EML1: variants seen among roughly 807,000 people sequenced by gnomAD.
EML1 encodes the protein EMAP like 1.
In EML1, 27 loss-of-function variants were observed where a neutral mutation model predicts 110.4. That is an observed-to-expected ratio of 0.24 (90% CI 0.18 to 0.34). The LOEUF (loss-of-function observed/expected upper bound fraction) is 0.34, where lower values mean the gene tolerates loss of function less well. Ranked by LOEUF, EML1 falls within the 10% of genes least tolerant of loss-of-function variation. The pLI, the probability that EML1 is intolerant of heterozygous loss-of-function variation, is 1.00. For synonymous variants in EML1, 344 were observed against 385.8 expected, an observed-to-expected ratio of 0.89 and a Z score of 1.27; for missense variants, 741 against 1,030.9, an observed-to-expected ratio of 0.72 and a Z score of 3.85.
At chr14:99,885,644 G>A (rs564668221) in intron 4 of EML1, among the ~76,000 whole-genome samples, 42 of 152,050 alleles carry the variant, frequency 2.8e-4, no homozygotes, top group Admixed American at 1.6e-3. Context: ...CAAGCCATGG[G>A]GTCATTTATG....
Position 99,798,593 on chromosome 14 carries a change from TG to T in EML1, c.67+5051del, listed in dbSNP as rs562707597. Among the ~76,000 whole-genome samples the T allele has an allele frequency of 5.0e-3, 757 of 152,268 alleles. 5 individuals are homozygous for T. Among genetic ancestry groups the T allele is most frequent in the African/African-American group, 0.017 (721 of 41,556 alleles). On this transcript the variant is annotated intron_variant, in intron 1 of 21. Transcript: ENST00000262233. ...TTTTAGTAGAAATGGGGTTTCACCA[TG>T]TTGGCCAGGCTGGTCTCGAAGTCAT...
upstream of EML1, among the ~76,000 whole-genome samples, chr14:99,772,054 A>G (rs2057433226): frequency 6.6e-6 from 1 of 152,000 alleles, no homozygotes; most frequent in Non-Finnish European, 1.5e-5. Flanking sequence ...AAGAGGTTGC[A>G]TTTTTCTGGC....
At chr14:99,871,580 G>T (rs1192010012) in intron 3 of EML1, among the ~76,000 whole-genome samples, 7 of 152,028 alleles carry the variant, frequency 4.6e-5, no homozygotes, top group African/African-American at 1.7e-4. Flanking sequence ...CATGAACAGG[G>T]AAGTTTGGAA....
At chr14:99,771,937 T>G (rs1294780000), upstream of EML1, among the ~76,000 whole-genome samples, 2 of 152,268 alleles carry the variant, frequency 1.3e-5, no homozygotes, top group African/African-American at 4.8e-5. Flanking sequence ...CAGTTTTCAT[T>G]ACTTCATTGA....
intron 1 of EML1, among the ~76,000 whole-genome samples, chr14:99,799,390 AC>A (rs1453817165): frequency 1.3e-5 from 2 of 152,232 alleles, no homozygotes; most frequent in African/African-American, 4.8e-5. Flanking sequence ...ATGGTTATAA[AC>A]AAGTAGTTGG....
At chr14:99,860,473 C>T (rs2058984133) in intron 2 of EML1, among the ~76,000 whole-genome samples, 1 of 152,160 alleles carries the variant, frequency 6.6e-6, no homozygotes, top group Non-Finnish European at 1.5e-5. Flanking sequence ...CTGTCATCTT[C>T]AAGATCCAGG....
Position 99,829,202 on chromosome 14 carries a change from A to G in EML1, c.68-21651A>G, listed in dbSNP as rs866370848. ...GACCAACTCCTTTTTATTCTTTAAA[A>G]CCCAGCCACCAGTGTCACCTGGACC... On this transcript the variant is annotated intron_variant, in intron 1 of 21. Transcript: ENST00000262233. Among the ~76,000 whole-genome samples the G allele has an allele frequency of 8.6e-5, 13 of 151,970 alleles. 1 individual carries two copies. In the South Asian group the frequency reaches 2.7e-3, roughly 32 times the overall value.
intron 10 of EML1, 109 bp from the exon 11 acceptor site, chr14:99,909,236 T>C: frequency 6.6e-7 from 1 of 1,512,764 alleles, no homozygotes; most frequent in Non-Finnish European, 9.2e-7. Context: ...GGCATTGTGC[T>C]TGCCTTGAAT....
intron 2 of EML1, among the ~76,000 whole-genome samples, chr14:99,859,368 C>T (rs1283791408): frequency 6.6e-6 from 1 of 152,154 alleles, no homozygotes; most frequent in Non-Finnish European, 1.5e-5. Context: ...GCCCTTCTCC[C>T]TTCACTTCCA....
At chr14:99,772,337 C>T (rs1215212041), upstream of EML1, among the ~76,000 whole-genome samples, 1 of 152,252 alleles carries the variant, frequency 6.6e-6, no homozygotes, top group East Asian at 1.9e-4. Flanking sequence ...TTGGGGTTCT[C>T]CTTCTCTGGC....
At chr14:99,836,661 G>T (rs1226921374) in intron 1 of EML1, among the ~76,000 whole-genome samples, 1 of 152,042 alleles carries the variant, frequency 6.6e-6, no homozygotes, top group Non-Finnish European at 1.5e-5. Context: ...TTTATTTTGG[G>T]TCATATTTTT....
At chr14:99,770,443 C>CT (rs1187110274), upstream of EML1, among the ~76,000 whole-genome samples, 1 of 150,150 alleles carries the variant, frequency 6.7e-6, no homozygotes, top group Non-Finnish European at 1.5e-5. Context: ...GAGATCATGT[C>CT]TTTTTTTAAG....
intron 16 of EML1, 134 bp from the exon 17 acceptor site, chr14:99,920,655 C>A (rs2060114505): frequency 1.5e-6 from 1 of 679,542 alleles, no homozygotes; most frequent in East Asian, 3.0e-5. Flanking sequence ...AAGCTGGGAA[C>A]AAGCTTTCTT....
rs12431413 is a variant in EML1, at chr14:99,929,547, G to A, written c.1910-6482G>A. Among the ~76,000 whole-genome samples the A allele has an allele frequency of 5.8e-3, 880 of 152,306 alleles. 25 individuals are homozygous for A. The highest frequency in any genetic ancestry group is 0.038 in the Admixed American group (581 of 15,306). ...GGTTTATGACGGGTTAGTTGCATGC[G>A]TGAATGTAGCTATAACTAACTACAG... On this transcript the variant is annotated intron_variant, in intron 17 of 21. Transcript: ENST00000262233.
intron 4 of EML1, among the ~76,000 whole-genome samples, chr14:99,888,438 AAT>A (rs2059521276): frequency 6.6e-6 from 1 of 152,228 alleles, no homozygotes; most frequent in African/African-American, 2.4e-5. Context: ...ATGATAAAAA[AAT>A]AGTTTTCTTA....
Position 99,936,744 on chromosome 14 carries a change from G to T in EML1, c.2095+410G>T, listed in dbSNP as rs1275167948. 1.3e-5 allele frequency among the ~76,000 whole-genome samples: 2 copies of T among 152,134 alleles called. No individual in the cohort carries two copies. Among genetic ancestry groups the T allele is most frequent in the Non-Finnish European group, 2.9e-5 (2 of 68,020 alleles). ...GGGACCATGAAGTCCATCCCCGCTG[G>T]GTGGACGGCAGCCCTGGGACCCCTC... On this transcript the variant is annotated intron_variant, in intron 19 of 21. Coordinates refer to ENST00000262233, the MANE Select transcript of EML1 (RefSeq NM_004434.3). The surrounding 1 kb of genome is among the most constrained non-coding windows in gnomAD (Gnocchi z 5.5).
chr14:99,911,477 A>T lies in EML1; in HGVS notation c.1395A>T (p.Ala465=), dbSNP rs779339177. Residue 465 remains alanine, a synonymous_variant, in exon 13 of 22, where the codon GCA becomes GCT. Coordinates refer to ENST00000262233, the MANE Select transcript of EML1 (RefSeq NM_004434.3). Reference sequence around the variant, plus strand: ...GGGCCCATGAGGGTGGCATTTTTGCACTTTGTATGTTAAGAGATGGCACAC... The same window carrying T: ...GGGCCCATGAGGGTGGCATTTTTGCTCTTTGTATGTTAAGAGATGGCACAC... The part of the protein sequence containing the change: ...VQGAHEGGIF[A]LCMLRDGTLV... 6.2e-7 allele frequency: 1 copy of T among 1,612,384 alleles called. No homozygotes were observed.
At chr14:99,887,105 T>C (rs1167155690) in intron 4 of EML1, among the ~76,000 whole-genome samples, 1 of 152,214 alleles carries the variant, frequency 6.6e-6, no homozygotes, top group Non-Finnish European at 1.5e-5. Context: ...GAGTTTTTCC[T>C]TGGGGCAGAT....
At chr14:99,813,423 C>T (rs1405918719) in intron 1 of EML1, among the ~76,000 whole-genome samples, 8 of 152,206 alleles carry the variant, frequency 5.3e-5, no homozygotes, top group South Asian at 2.1e-4. Flanking sequence ...CTATTAAAAA[C>T]GATTGAGATG....
Sources: allele counts gnomAD v4.1 joint callset (sites outside exome capture counted in the v4.1 genomes callset), GRCh38; gene constraint gnomAD v4.1.1; non-coding constraint Gnocchi (gnomAD v3.1); transcripts MANE v1.5; gene names NCBI Gene and HGNC (gene_info 2026-07-23, HGNC 2026-07-21).